LIPI: variants seen among roughly 807,000 people sequenced by gnomAD.
LIPI encodes the protein lipase member I.
A neutral mutation model predicts 50.6 loss-of-function variants in LIPI; 59 were observed. The observed-to-expected ratio is 1.16, with a 90% CI of 0.94 to 1.45. LIPI has a LOEUF of 1.45. Ranked by LOEUF, LIPI falls within the 40% of genes most tolerant of loss-of-function variation. LIPI has a pLI of 0.00. For missense variants in LIPI, 586 were observed against 536.3 expected (o/e 1.09, Z -0.92); for synonymous variants, 203 against 178.2 (o/e 1.14, Z -1.11).
rs552792292 is a variant in LIPI, at chr21:14,207,795, G to GAA, written c.46+3003_46+3004dup. On this transcript the variant is annotated intron_variant, in intron 1 of 9. Coordinates refer to ENST00000681601, the MANE Select transcript of LIPI (RefSeq NM_001302998.2). ...AAGAATTAAAGAGAAAATGAACACG[G>GAA]AAAAAAACACAGTGGATTATTCTAA... Among the ~76,000 whole-genome samples the GAA allele has an allele frequency of 7.2e-4, 109 of 152,076 alleles. 2 individuals are homozygous for GAA. The highest frequency in any genetic ancestry group is 2.5e-3 in the African/African-American group (102 of 41,500).
chr21:14,207,490 T>C (rs1198339461), intron 1 of LIPI, among the ~76,000 whole-genome samples: 1 of 152,170 alleles, frequency 6.6e-6, no homozygotes, highest in African/African-American at 2.4e-5. Flanking sequence ...ATGCAAATGT[T>C]AGGAAAGCTG....
chr21:14,159,713 G>A (rs1411714133), intron 7 of LIPI, among the ~76,000 whole-genome samples: 1 of 151,444 alleles, frequency 6.6e-6, no homozygotes, highest in Non-Finnish European at 1.5e-5. Flanking sequence ...CTTATTTGCA[G>A]AAAACATAAT....
chr21:14,208,838 G>A (rs1420400010), intron 1 of LIPI, among the ~76,000 whole-genome samples: 1 of 152,156 alleles, frequency 6.6e-6, no homozygotes, highest in Non-Finnish European at 1.5e-5. Flanking sequence ...GATCACTTGA[G>A]CCCAAGAGTT....
chr21:14,173,574 G>A (rs561338722), intron 4 of LIPI, among the ~76,000 whole-genome samples: 1 of 152,278 alleles, frequency 6.6e-6, no homozygotes, highest in South Asian at 2.1e-4. Context: ...GCTTTAATCT[G>A]GGGCACAAAA....
chr21:14,116,606 T>C (rs2016651462), intron 9 of LIPI, among the ~76,000 whole-genome samples: 5 of 152,140 alleles, frequency 3.3e-5, no homozygotes, highest in Admixed American at 1.3e-4. Context: ...ACTGGCCCTC[T>C]AATGTAGGGT....
At chr21:14,124,660 G>C (rs972274111) in intron 9 of LIPI, among the ~76,000 whole-genome samples, 1 of 152,152 alleles carries the variant, frequency 6.6e-6, no homozygotes, top group Non-Finnish European at 1.5e-5. Flanking sequence ...AGTAGCTCCC[G>C]GACACTGACA....
At chr21:14,166,501 T>A (rs1264063616) in intron 4 of LIPI, 50 bp from the exon 5 acceptor site, 1 of 953,280 alleles carries the variant, frequency 1.0e-6, no homozygotes, top group South Asian at 1.3e-5. Context: ...ATCAGGTGAG[T>A]ATCTTGCATA....
rs569122668 is a variant in LIPI at position 14,161,129 on chromosome 21, C to A, written c.1006+2290G>T. ...CAATAACACTCCTGGGAATTTATGA[C>A]AGATAAATGAAGACATATTCACACA... On this transcript the variant is annotated intron_variant, in intron 7 of 9. Coordinates refer to ENST00000681601, the MANE Select transcript of LIPI (RefSeq NM_001302998.2). Among the ~76,000 whole-genome samples, 6 of 151,182 alleles carry A rather than the reference C, an allele frequency of 4.0e-5. No homozygotes were observed. In the South Asian group the frequency reaches 1.2e-3, roughly 31 times the overall value.
chr21:14,126,030 T>A (rs551756030), intron 9 of LIPI, among the ~76,000 whole-genome samples: 4 of 148,334 alleles, frequency 2.7e-5, no homozygotes, highest in Admixed American at 1.3e-4. Flanking sequence ...ATCAAACATT[T>A]AAAAAAAAAA....
In LIPI at chr21:14,166,447, T is replaced by A. The variant is rs1396234285; in HGVS notation, c.648A>T (p.Leu216Phe). ...TATGTCCCAAGGGCTCTTGAATGCC[T>A]AAACCTGAGAAGAAAGGCACCCAAG... ...VDVIHSDSNG[L>F]GIQEPLGHID... Residue 216 changes from leucine to phenylalanine, a missense_variant, in exon 5 of 10, where the codon TTA (leucine) becomes TTT (phenylalanine). Leu to Phe is a conservative substitution (Grantham distance 22). Transcript: ENST00000681601. 1 of 1,591,056 alleles carries A rather than the reference T, an allele frequency of 6.3e-7. No homozygotes were observed. Among genetic ancestry groups the A allele is most frequent in the Non-Finnish European group, 8.6e-7 (1 of 1,159,178 alleles).
At chr21:14,158,102 T>C (rs1365632790) in intron 7 of LIPI, among the ~76,000 whole-genome samples, 2 of 151,836 alleles carry the variant, frequency 1.3e-5, no homozygotes, top group African/African-American at 4.8e-5. Flanking sequence ...GACTTGATGA[T>C]GTCTGAGATC....
intron 9 of LIPI, among the ~76,000 whole-genome samples, chr21:14,141,491 A>G (rs1347535181): frequency 1.3e-5 from 2 of 151,910 alleles, no homozygotes; most frequent in African/African-American, 4.8e-5. Context: ...CTTAACTACC[A>G]TTGAGAACAT....
chr21:14,142,491 TTG>T (rs1215011483), intron 9 of LIPI, among the ~76,000 whole-genome samples: 1 of 149,520 alleles, frequency 6.7e-6, no homozygotes, highest in East Asian at 1.9e-4. Context: ...ATATATTTTG[TTG>T]TTGTTGTTGA....
At chr21:14,188,978 A>G in intron 2 of LIPI, 56 bp downstream of exon 2, 4 of 1,345,780 alleles carry the variant, frequency 3.0e-6, no homozygotes, top group Non-Finnish European at 4.2e-6. Context: ...TGCATATTGT[A>G]TAGCACGTAT....
At chr21:14,139,662 A>G (rs1038442645) in intron 9 of LIPI, among the ~76,000 whole-genome samples, 13 of 152,194 alleles carry the variant, frequency 8.5e-5, no homozygotes, top group African/African-American at 3.1e-4. Flanking sequence ...TACGAGAACA[A>G]CAAAAAATTC....
intron 9 of LIPI, among the ~76,000 whole-genome samples, chr21:14,115,289 G>A (rs772312463): frequency 1.6e-4 from 25 of 152,244 alleles, no homozygotes; most frequent in Non-Finnish European, 2.9e-4. Context: ...GTTTCCCAGG[G>A]ATGTGGAACA....
At chr21:14,113,502 G>C (rs1298439510) in intron 9 of LIPI, among the ~76,000 whole-genome samples, 2 of 152,128 alleles carry the variant, frequency 1.3e-5, no homozygotes, top group African/African-American at 4.8e-5. Context: ...AAAATGCAAA[G>C]AGAAAATAGA....
At chr21:14,174,772 C>A (rs1317193143) in intron 4 of LIPI, among the ~76,000 whole-genome samples, 1 of 152,136 alleles carries the variant, frequency 6.6e-6, no homozygotes. Flanking sequence ...CCAGGCTGGT[C>A]TCGAACTCCT....
intron 9 of LIPI, among the ~76,000 whole-genome samples, chr21:14,139,801 C>T (rs1337656237): frequency 2.0e-5 from 3 of 152,068 alleles, no homozygotes; most frequent in Non-Finnish European, 4.4e-5. Context: ...ATCGGCACTT[C>T]AAGGGGAAGA....
Sources: allele counts gnomAD v4.1 joint callset (sites outside exome capture counted in the v4.1 genomes callset), GRCh38; gene constraint gnomAD v4.1.1; transcripts MANE v1.5; gene names NCBI Gene and HGNC (gene_info 2026-07-23, HGNC 2026-07-21).